Variants in CTNNA2 observed in about 807,000 individuals in gnomAD.
The protein encoded by CTNNA2 is catenin alpha-2.
CTNNA2 carries 42 observed loss-of-function variants against 101.0 expected under a neutral mutation model. That is an observed-to-expected ratio of 0.42 (90% CI 0.32 to 0.54). The LOEUF (loss-of-function observed/expected upper bound fraction) is 0.54. CTNNA2 is among the 20% of genes least tolerant of loss of function. The pLI is 0.14. For missense variants in CTNNA2, 871 were observed against 1,223.1 expected, an observed-to-expected ratio of 0.71 and a Z score of 4.29; for synonymous variants, 450 against 456.4, an observed-to-expected ratio of 0.99 and a Z score of 0.18.
At chr2:80,524,072 G>A (rs1293655490) in intron 9 of CTNNA2, among the ~76,000 whole-genome samples, 1 of 152,110 alleles carries the variant, frequency 6.6e-6, no homozygotes, top group East Asian at 1.9e-4. Flanking sequence ...GCTGCTGATG[G>A]GGATGACAGG....
intron 3 of CTNNA2, among the ~76,000 whole-genome samples, chr2:79,767,142 A>G (rs1352348007): frequency 1.3e-5 from 2 of 151,942 alleles, no homozygotes; most frequent in Non-Finnish European, 2.9e-5. Context: ...ACTCTAATGC[A>G]TTCTTCAGTA....
intron 3 of CTNNA2, among the ~76,000 whole-genome samples, chr2:79,829,751 G>T (rs567459698): frequency 1.3e-5 from 2 of 149,118 alleles, no homozygotes; most frequent in African/African-American, 5.0e-5. Flanking sequence ...ACGGAGTCTC[G>T]CTCTGTCGCC....
At chr2:80,083,244 G>A (rs1330535687) in intron 7 of CTNNA2, among the ~76,000 whole-genome samples, 2 of 152,008 alleles carry the variant, frequency 1.3e-5, no homozygotes, top group Non-Finnish European at 2.9e-5. Context: ...AATAGCCACT[G>A]GGAATTTTAA....
chr2:80,074,141 G>A (rs996406102), intron 7 of CTNNA2, among the ~76,000 whole-genome samples: 34 of 151,922 alleles, frequency 2.2e-4, no homozygotes, highest in Admixed American at 5.2e-4. Context: ...ATTATGGCTT[G>A]ATTTATTTAG....
rs146682584 is a variant in CTNNA2 at position 79,757,522 on chromosome 2, A to G, written c.298+12940A>G. Among the ~76,000 whole-genome samples the G allele has an allele frequency of 5.9e-3, 900 of 152,338 alleles. 7 individuals carry two copies. The highest frequency in any genetic ancestry group is 0.02 in the African/African-American group (843 of 41,586). On this transcript the variant is annotated intron_variant, in intron 3 of 18. Transcript: ENST00000402739. ...CTTGTGTTTCACAGAAAACATTTAA[A>G]GAGGCATGCAAGGATATACAAAATA...
rs192224423 is a variant in CTNNA2, at chr2:80,282,727, C to T, written c.1057-110484C>T. 2.6e-5 allele frequency among the ~76,000 whole-genome samples: 4 copies of T among 152,252 alleles called. No individual in the cohort carries two copies. In the East Asian group the frequency reaches 5.8e-4, roughly 22 times the overall value. On this transcript the variant is annotated intron_variant, in intron 7 of 18. Transcript: ENST00000402739. The stretch of plus-strand genomic sequence containing the variant: ...TAGAAATGTACTTTTAAAATGTAGT[C>T]ATGTGGCACAATTGTTAATCAAAAC...
At chr2:80,622,036 C>A (rs1239064533) in intron 18 of CTNNA2, among the ~76,000 whole-genome samples, 2 of 151,862 alleles carry the variant, frequency 1.3e-5, no homozygotes, top group African/African-American at 4.8e-5. Context: ...GTAAATGGAG[C>A]TGAAGATATA....
intron 4 of CTNNA2, among the ~76,000 whole-genome samples, chr2:79,409,876 A>G (rs1678388101): frequency 1.3e-5 from 2 of 151,736 alleles, no homozygotes; most frequent in African/African-American, 4.8e-5. Flanking sequence ...CATTGAATCT[A>G]TATATTACCT....
At chr2:79,349,393 G>A (rs1217766335) in intron 3 of CTNNA2, among the ~76,000 whole-genome samples, 1 of 152,104 alleles carries the variant, frequency 6.6e-6, no homozygotes, top group Non-Finnish European at 1.5e-5. Flanking sequence ...TTTCATCCCA[G>A]AATTTTTATT....
intron 7 of CTNNA2, among the ~76,000 whole-genome samples, chr2:80,363,199 G>A (rs6759220): frequency 0.35 from 53,084 of 151,426 alleles, 10,574 homozygotes; most frequent in African/African-American, 0.55. Flanking sequence ...AGATATGGTG[G>A]AAAACAAGCA....
intron 2 of CTNNA2, among the ~76,000 whole-genome samples, chr2:79,294,389 C>G (rs1281297188): frequency 6.6e-6 from 1 of 152,030 alleles, no homozygotes; most frequent in Non-Finnish European, 1.5e-5. Context: ...TTTATCTAAC[C>G]ATAATTACCT....
intron 1 of CTNNA2, among the ~76,000 whole-genome samples, chr2:79,606,062 A>T (rs775112474): frequency 4.6e-5 from 7 of 152,206 alleles, no homozygotes; most frequent in Non-Finnish European, 1.0e-4. Flanking sequence ...AACATAAAGC[A>T]TTTTCCCAGA....
At chr2:80,188,530 A>C (rs1706274060) in intron 7 of CTNNA2, among the ~76,000 whole-genome samples, 1 of 152,160 alleles carries the variant, frequency 6.6e-6, no homozygotes, top group Admixed American at 6.5e-5. Flanking sequence ...AATGGACTAA[A>C]ATAAAGATGT....
At chr2:79,915,188 CA>C (rs1558637807) in intron 7 of CTNNA2, among the ~76,000 whole-genome samples, 1 of 93,316 alleles carries the variant, frequency 1.1e-5, no homozygotes, top group Middle Eastern at 6.0e-3. Context: ...CTAGAAAGAA[CA>C]AAAAGACAAA....
At chr2:80,280,216 A>G (rs1470848728) in intron 7 of CTNNA2, among the ~76,000 whole-genome samples, 1 of 148,936 alleles carries the variant, frequency 6.7e-6, no homozygotes, top group African/African-American at 2.5e-5. Context: ...CACATACTCC[A>G]GGATTTGAGC....
chr2:79,352,611 TCA>T (rs1677416464), intron 3 of CTNNA2, among the ~76,000 whole-genome samples: 3 of 152,198 alleles, frequency 2.0e-5, no homozygotes, highest in Admixed American at 1.3e-4. Context: ...GTGGATTATT[TCA>T]TACCTTCTAC....
At position 80,566,678 on chromosome 2, in the gene CTNNA2, T is replaced by C. The variant is rs1006326197; in HGVS notation, c.1742-7485T>C. On this transcript the variant is annotated intron_variant, in intron 12 of 18. Coordinates refer to ENST00000402739, the MANE Select transcript of CTNNA2 (RefSeq NM_001282597.3). ...GGGACAGAGGAATAACAGAGCTAGATCGTGGAGAAGGAAGGGCCTAGATTC... is the reference window on the plus strand; with the variant it reads ...GGGACAGAGGAATAACAGAGCTAGACCGTGGAGAAGGAAGGGCCTAGATTC... 5.3e-5 allele frequency among the ~76,000 whole-genome samples: 8 copies of C among 152,040 alleles called. No individual in the cohort carries two copies. In the East Asian group the frequency reaches 7.7e-4, roughly 15 times the overall value.
intron 9 of CTNNA2, among the ~76,000 whole-genome samples, chr2:80,478,223 AC>A (rs1685878108): frequency 6.6e-6 from 1 of 152,022 alleles, no homozygotes; most frequent in African/African-American, 2.4e-5. Flanking sequence ...TCATTTGCCC[AC>A]ATTTTAAATG....
chr2:80,628,374 C>A (rs1478603373), intron 18 of CTNNA2, among the ~76,000 whole-genome samples: 2 of 151,902 alleles, frequency 1.3e-5, no homozygotes, highest in Non-Finnish European at 2.9e-5. Flanking sequence ...TACTACAAGG[C>A]TACAGTAACA....
Sources: allele counts gnomAD v4.1 joint callset (sites outside exome capture counted in the v4.1 genomes callset), GRCh38; gene constraint gnomAD v4.1.1; transcripts MANE v1.5; gene names NCBI Gene and HGNC (gene_info 2026-07-23, HGNC 2026-07-21).